CCSER1: variants seen among roughly 807,000 people sequenced by gnomAD.
The protein encoded by CCSER1 is serine-rich coiled-coil domain-containing protein 1.
A neutral mutation model predicts 82.0 loss-of-function variants in CCSER1; 41 were observed. That is an observed-to-expected ratio of 0.50 (90% confidence interval 0.39 to 0.65). CCSER1 has a LOEUF of 0.65. Among genes scored for constraint, CCSER1 ranks in the 30% least tolerant of loss-of-function variants. CCSER1 has a pLI of 0.00. For missense variants in CCSER1, 1,119 were observed against 1,064.2 expected (o/e 1.05, Z -0.72); for synonymous variants, 414 against 383.9 (o/e 1.08, Z -0.92).
chr4:90,706,547 G>A (rs1419271672), intron 6 of CCSER1, among the ~76,000 whole-genome samples: 1 of 152,188 alleles, frequency 6.6e-6, no homozygotes, highest in Non-Finnish European at 1.5e-5. Flanking sequence ...ATAGGAGAGA[G>A]GATGCCTTCA....
chr4:91,278,772 T>C (rs1342364825), intron 10 of CCSER1, among the ~76,000 whole-genome samples: 2 of 152,178 alleles, frequency 1.3e-5, no homozygotes, highest in Non-Finnish European at 2.9e-5. Flanking sequence ...CTCCTTCTTA[T>C]TGTTTATCAT....
intron 10 of CCSER1, among the ~76,000 whole-genome samples, chr4:91,407,226 C>T (rs574509595): frequency 2.6e-5 from 4 of 152,212 alleles, no homozygotes; most frequent in African/African-American, 7.2e-5. Context: ...TTGAACAACT[C>T]GAGATCCAAA....
At chr4:91,532,763 G>A (rs1284534398) in intron 10 of CCSER1, among the ~76,000 whole-genome samples, 3 of 151,862 alleles carry the variant, frequency 2.0e-5, no homozygotes, top group Non-Finnish European at 4.4e-5. Context: ...CCAGCTACCC[G>A]AGAGGCTGAG....
intron 8 of CCSER1, among the ~76,000 whole-genome samples, chr4:90,845,967 T>A (rs1313109691): frequency 9.7e-6 from 1 of 102,568 alleles, no homozygotes; most frequent in Non-Finnish European, 2.4e-5. Flanking sequence ...ATTTATAGAT[T>A]TTTTTTATGA....
At chr4:91,437,989 G>T (rs1326269259) in intron 10 of CCSER1, among the ~76,000 whole-genome samples, 3 of 152,284 alleles carry the variant, frequency 2.0e-5, no homozygotes, top group Admixed American at 2.0e-4. Flanking sequence ...AGCTCGAACT[G>T]GGTGGAGCCC....
chr4:91,530,657 C>A (rs1760980852), intron 10 of CCSER1, among the ~76,000 whole-genome samples: 1 of 150,038 alleles, frequency 6.7e-6, no homozygotes, highest in Non-Finnish European at 1.5e-5. Flanking sequence ...AAAAAAAATT[C>A]TGTTATAAAG....
chr4:90,265,613 T>A (rs1467653345), intron 1 of CCSER1, among the ~76,000 whole-genome samples: 1 of 152,034 alleles, frequency 6.6e-6, no homozygotes, highest in Non-Finnish European at 1.5e-5. Context: ...TTAAGTTATA[T>A]CAATTTCCCA....
chr4:90,654,287 T>C (rs1182111482), intron 6 of CCSER1, among the ~76,000 whole-genome samples: 1 of 152,150 alleles, frequency 6.6e-6, no homozygotes, highest in Non-Finnish European at 1.5e-5. Context: ...GATTTTGTTA[T>C]CCAATGGAAT....
chr4:90,582,962 A>G (rs981328468), intron 5 of CCSER1, among the ~76,000 whole-genome samples: 2 of 152,214 alleles, frequency 1.3e-5, no homozygotes, highest in African/African-American at 4.8e-5. Flanking sequence ...AATCTGAAGA[A>G]GAATCATTAC....
At chr4:90,480,619 A>G (rs1765793008) in intron 5 of CCSER1, among the ~76,000 whole-genome samples, 2 of 152,174 alleles carry the variant, frequency 1.3e-5, no homozygotes, top group East Asian at 1.9e-4. Context: ...TCCCAGCACC[A>G]TTTATTGAAT....
At chr4:91,418,555 A>G (rs540554060) in intron 10 of CCSER1, among the ~76,000 whole-genome samples, 1 of 152,120 alleles carries the variant, frequency 6.6e-6, no homozygotes, top group Non-Finnish European at 1.5e-5. Flanking sequence ...ACTGATCAAT[A>G]ATGGGTAAGG....
chr4:90,800,245 C>A (rs937765789), intron 7 of CCSER1, among the ~76,000 whole-genome samples: 2 of 151,918 alleles, frequency 1.3e-5, no homozygotes, highest in East Asian at 1.9e-4. Flanking sequence ...ATGTTTTAAA[C>A]CATTTTTTCT....
intron 1 of CCSER1, among the ~76,000 whole-genome samples, chr4:90,153,518 C>T (rs1337341674): frequency 1.3e-5 from 2 of 152,020 alleles, no homozygotes; most frequent in African/African-American, 2.4e-5. Flanking sequence ...TCAAAGTGTT[C>T]CTATTTCTCC....
At chr4:91,472,425 G>A (rs12331080) in intron 10 of CCSER1, among the ~76,000 whole-genome samples, 127,618 of 152,198 alleles carry the variant, frequency 0.84, 53,985 homozygotes, top group African/African-American at 0.94. Context: ...TTTTCCCATC[G>A]TATCAATCAA....
At chr4:91,200,184 A>AT (rs55732916) in intron 10 of CCSER1, among the ~76,000 whole-genome samples, 5 of 151,756 alleles carry the variant, frequency 3.3e-5, no homozygotes, top group South Asian at 2.1e-4. Flanking sequence ...TTTTTAGTTG[A>AT]TTTTTTTTGT....
intron 10 of CCSER1, among the ~76,000 whole-genome samples, chr4:91,319,447 G>A (rs755588408): frequency 2.6e-5 from 4 of 151,950 alleles, no homozygotes; most frequent in South Asian, 2.1e-4. Flanking sequence ...TGTTCATTAT[G>A]TGTGAAGGTC....
intron 3 of CCSER1, among the ~76,000 whole-genome samples, chr4:90,351,765 A>T (rs1161093248): frequency 2.0e-5 from 3 of 152,232 alleles, no homozygotes; most frequent in East Asian, 1.9e-4. Flanking sequence ...TTTGCATAAA[A>T]TTTTTTGTTT....
chr4:90,951,946 A>G (rs905073352), intron 9 of CCSER1, among the ~76,000 whole-genome samples: 3 of 152,016 alleles, frequency 2.0e-5, no homozygotes, highest in African/African-American at 7.2e-5. Flanking sequence ...TTACACGCAC[A>G]CACATACAGA....
intron 10 of CCSER1, among the ~76,000 whole-genome samples, chr4:91,203,057 C>T (rs140469541): frequency 0.073 from 11,084 of 151,884 alleles, 575 homozygotes; most frequent in Non-Finnish European, 0.11. Context: ...GTCCGTAGAC[C>T]AAGAAATCAA....
Sources: allele counts gnomAD v4.1 joint callset (sites outside exome capture counted in the v4.1 genomes callset), GRCh38; gene constraint gnomAD v4.1.1; transcripts MANE v1.5; gene names NCBI Gene and HGNC (gene_info 2026-07-23, HGNC 2026-07-21).